The following GGACT variants were observed in gnomAD, a reference collection of about 807,000 sequenced individuals.
GGACT encodes the protein gamma-glutamylamine cyclotransferase.
For synonymous variants in GGACT, 118 were observed against 115.3 expected (o/e 1.02, Z -0.15); for missense variants, 241 against 233.2 (o/e 1.03, Z -0.22).
Position 100,580,424 on chromosome 13 carries a change from G to A in GGACT, c.-11+3401C>T, listed in dbSNP as rs41306035. On this transcript the variant is annotated intron_variant, in intron 2 of 2. Coordinates refer to ENST00000683975, the MANE Select transcript of GGACT (RefSeq NM_001195087.2). ...GCCGGGAGGTGTGCGACCACTTGCC[G>A]CAGAACGCCTGGAGCCGCCAGAAGC... Among the ~76,000 whole-genome samples, 770 of 152,320 alleles carry A rather than the reference G, an allele frequency of 5.1e-3. 3 individuals are homozygous for A. Among genetic ancestry groups the A allele is most frequent in the Non-Finnish European group, 7.9e-3 (537 of 68,020 alleles).
In GGACT at chr13:100,588,731, A is replaced by G. The variant is rs1037067304; in HGVS notation, c.-184+10T>C. 6.6e-6 allele frequency: 1 copy of G among 151,564 alleles called. No individual in the cohort carries two copies. The allele number at this position is 151,564 out of a possible 1,614,324, so 9.4% of individuals were successfully genotyped here. ...GCAGCCCCGACCCCCGCCCGGGCTC[A>G]GCGCCTCACCTGCCGGCAGCCGGGG... is the stretch of plus-strand genomic sequence containing the variant. On this transcript the variant is annotated intron_variant, in intron 1 of 2. Transcript: ENST00000683975.
At chr13:100,559,476 C>T (rs1383661167) in intron 2 of GGACT, among the ~76,000 whole-genome samples, 1 of 151,928 alleles carries the variant, frequency 6.6e-6, no homozygotes, top group Non-Finnish European at 1.5e-5. Flanking sequence ...CGTGAGCCAC[C>T]GTGCCCGACC....
At chr13:100,547,210 T>G (rs910108251) in intron 2 of GGACT, among the ~76,000 whole-genome samples, 17 of 152,162 alleles carry the variant, frequency 1.1e-4, no homozygotes, top group African/African-American at 3.9e-4. Context: ...AAGCAGGACG[T>G]GCAGAGTAGC....
intron 2 of GGACT, among the ~76,000 whole-genome samples, chr13:100,561,830 G>A (rs1323990314): frequency 6.6e-6 from 1 of 152,244 alleles, no homozygotes; most frequent in Non-Finnish European, 1.5e-5. Context: ...TCTCTGTCCA[G>A]TGAGACCCTG....
intron 2 of GGACT, among the ~76,000 whole-genome samples, chr13:100,560,940 A>G (rs1424539762): frequency 6.6e-6 from 1 of 152,042 alleles, no homozygotes; most frequent in Non-Finnish European, 1.5e-5. Context: ...CAGGCTGCGC[A>G]CCCCGCATCT....
At chr13:100,568,719 C>T (rs775048753) in intron 2 of GGACT, among the ~76,000 whole-genome samples, 2 of 152,320 alleles carry the variant, frequency 1.3e-5, no homozygotes, top group Non-Finnish European at 2.9e-5. Context: ...CTCATTCCAG[C>T]GTTAGCTCAA....
intron 1 of GGACT, among the ~76,000 whole-genome samples, chr13:100,586,033 G>A (rs950254487): frequency 6.6e-6 from 1 of 152,094 alleles, no homozygotes; most frequent in Non-Finnish European, 1.5e-5. Context: ...TTGTCTGGAT[G>A]TGGATTCAAA....
At chr13:100,557,660 A>G (rs1460174482) in intron 2 of GGACT, among the ~76,000 whole-genome samples, 2 of 152,238 alleles carry the variant, frequency 1.3e-5, no homozygotes, top group African/African-American at 4.8e-5. Context: ...TAAACTTTCT[A>G]GAAATCTTTT....
chr13:100,587,471 G>C (rs1375445117), intron 1 of GGACT, among the ~76,000 whole-genome samples: 1 of 152,198 alleles, frequency 6.6e-6, no homozygotes, highest in Non-Finnish European at 1.5e-5. Context: ...ACAGTGGTCT[G>C]CTTATTCAGG....
At chr13:100,564,793 C>T (rs532435072) in intron 2 of GGACT, among the ~76,000 whole-genome samples, 1 of 152,152 alleles carries the variant, frequency 6.6e-6, no homozygotes, top group African/African-American at 2.4e-5. Flanking sequence ...TCATGCAGTA[C>T]CCAGCTCTGA....
rs2088599767 is a variant in GGACT, at chr13:100,545,957, A to T, written c.-10-13356T>A. On this transcript the variant is annotated intron_variant, in intron 2 of 2. Coordinates refer to ENST00000683975, the MANE Select transcript of GGACT (RefSeq NM_001195087.2). The surrounding 1 kb of genome is among the most constrained non-coding windows in gnomAD (Gnocchi z 4.4). ...CAGGGCAACCTGCTGGGCCACCCAG[A>T]GTGCCTTTCCCCCTCTTTTCCTCCA... Among the ~76,000 whole-genome samples, 1 of 152,240 alleles carries T rather than the reference A, an allele frequency of 6.6e-6. No homozygotes were observed. The highest frequency in any genetic ancestry group is 1.5e-5 in the Non-Finnish European group (1 of 68,046).
chr13:100,541,111 A>G (rs1471806267), intron 2 of GGACT, among the ~76,000 whole-genome samples: 4 of 152,312 alleles, frequency 2.6e-5, no homozygotes, highest in Non-Finnish European at 5.9e-5. Flanking sequence ...AAGCCATCTG[A>G]GTTTTTCCAG....
Position 100,531,975 on chromosome 13 carries a change from A to ATTAT in GGACT, c.*151_*154dup. 1 of 492,046 alleles carries ATTAT rather than the reference A, an allele frequency of 2.0e-6. No individual in the cohort carries two copies. Among genetic ancestry groups the ATTAT allele is most frequent in the Non-Finnish European group, 3.4e-6 (1 of 292,884 alleles). The allele number at this position is 492,046 out of a possible 1,614,324, so 30.5% of individuals were successfully genotyped here. A position where few individuals can be genotyped will look rare whatever the true frequency, so the allele number is the denominator to read the frequency against. On this transcript the variant is annotated 3_prime_UTR_variant, in exon 3 of 3. Transcript: ENST00000683975. ...AGCACCTTGCTATTCGTATCTCAAC[A>ATTAT]TTATTTGTAAAATCAGCTGCCACTG...
intron 2 of GGACT, chr13:100,536,892 T>TG (rs2088499987): frequency 1.3e-5 from 2 of 152,828 alleles, no homozygotes; most frequent in South Asian, 4.1e-4. Flanking sequence ...GGGGAAGCAG[T>TG]GGGGTCTCCC....
At chr13:100,555,868 G>T (rs1167160348) in intron 2 of GGACT, among the ~76,000 whole-genome samples, 4 of 152,164 alleles carry the variant, frequency 2.6e-5, no homozygotes, top group Non-Finnish European at 4.4e-5. Flanking sequence ...CATAGAAACA[G>T]ATTAAAATGG....
chr13:100,576,448 C>T (rs777815740), intron 2 of GGACT, among the ~76,000 whole-genome samples: 90 of 152,144 alleles, frequency 5.9e-4, no homozygotes, highest in African/African-American at 2.1e-3. Flanking sequence ...TAGGAATCTA[C>T]CCTAGAAAGA....
intron 2 of GGACT, among the ~76,000 whole-genome samples, chr13:100,581,207 G>A (rs928492598): frequency 5.3e-5 from 8 of 152,186 alleles, no homozygotes; most frequent in African/African-American, 1.4e-4. Context: ...CACCACAGTC[G>A]AAATGAGCAC....
intron 2 of GGACT, 142 bp from the exon 3 acceptor site, chr13:100,532,743 T>C (rs2088432530): frequency 1.6e-6 from 1 of 634,402 alleles, no homozygotes; most frequent in African/African-American, 1.8e-5. Context: ...AGGCGTTACT[T>C]ACCGACGCAG....
At chr13:100,563,140 C>G (rs1396481898) in intron 2 of GGACT, among the ~76,000 whole-genome samples, 1 of 152,222 alleles carries the variant, frequency 6.6e-6, no homozygotes, top group Non-Finnish European at 1.5e-5. Flanking sequence ...TTGGTTGTAG[C>G]AACCCTAGTG....
Sources: gnomAD v4.1 joint callset for allele counts (sites outside exome capture counted in the v4.1 genomes callset) on GRCh38, gnomAD v4.1.1 for gene constraint, Gnocchi (gnomAD v3.1) non-coding constraint, MANE v1.5 for transcripts, NCBI Gene and HGNC (gene_info 2026-07-23, HGNC 2026-07-21) for gene names.